The following AGBL4 variants were observed in gnomAD, a reference collection of about 807,000 sequenced individuals.
AGBL4 encodes cytosolic carboxypeptidase 6.
In AGBL4, 58 loss-of-function variants were observed where a neutral mutation model predicts 66.4. That is an observed-to-expected ratio of 0.87 (90% CI 0.71 to 1.09). The LOEUF is 1.09. AGBL4 is among the 50% of genes least tolerant of loss of function. The probability of loss-of-function intolerance (pLI) is 0.00; values close to 1 mark genes in which losing one functional copy is unlikely to be tolerated. For synonymous variants in AGBL4, 234 were observed against 222.9 expected (o/e 1.05, Z -0.44); for missense variants, 579 against 631.0 (o/e 0.92, Z 0.88).
intron 2 of AGBL4, among the ~76,000 whole-genome samples, chr1:49,729,287 C>T (rs574081498): frequency 1.1e-4 from 17 of 152,186 alleles, no homozygotes; most frequent in South Asian, 2.1e-4. Flanking sequence ...TAAATACACT[C>T]GCAGCTGCAT....
chr1:48,906,677 T>C (rs2148875705), intron 5 of AGBL4, among the ~76,000 whole-genome samples: 1 of 152,160 alleles, frequency 6.6e-6, no homozygotes, highest in East Asian at 1.9e-4. Flanking sequence ...CTAGGGAAGA[T>C]TTGTGAGAAA....
intron 1 of AGBL4, among the ~76,000 whole-genome samples, chr1:49,942,271 T>A (rs1420425156): frequency 6.6e-6 from 1 of 151,942 alleles, no homozygotes; most frequent in Non-Finnish European, 1.5e-5. Flanking sequence ...AACAAAGCAA[T>A]CTATGAATTC....
At chr1:50,010,785 A>C (rs947193653) in intron 1 of AGBL4, among the ~76,000 whole-genome samples, 1 of 152,140 alleles carries the variant, frequency 6.6e-6, no homozygotes, top group Non-Finnish European at 1.5e-5. Flanking sequence ...ATAAAACTAG[A>C]CCTCTATCTC....
At chr1:48,561,929 A>C (rs1412132396) in intron 11 of AGBL4, among the ~76,000 whole-genome samples, 1 of 152,180 alleles carries the variant, frequency 6.6e-6, no homozygotes, top group Non-Finnish European at 1.5e-5. Context: ...CTTTATAATA[A>C]ATGTCTTTAT....
chr1:48,538,969 G>A (rs1644017262), intron 12 of AGBL4, among the ~76,000 whole-genome samples: 2 of 152,148 alleles, frequency 1.3e-5, no homozygotes, highest in Non-Finnish European at 2.9e-5. Flanking sequence ...TGATGTCACT[G>A]TTCTCATGCT....
intron 6 of AGBL4, among the ~76,000 whole-genome samples, chr1:48,838,431 T>C (rs1194401082): frequency 6.6e-6 from 1 of 151,976 alleles, no homozygotes; most frequent in Non-Finnish European, 1.5e-5. Flanking sequence ...AGAACAAACA[T>C]TGGAGAAAGG....
At chr1:49,554,422 T>A (rs982386762) in intron 3 of AGBL4, among the ~76,000 whole-genome samples, 4 of 152,212 alleles carry the variant, frequency 2.6e-5, no homozygotes, top group Admixed American at 1.3e-4. Flanking sequence ...AATTTCAGCT[T>A]CTGTCTCAGA....
At chr1:49,295,233 C>T (rs544257825) in intron 3 of AGBL4, among the ~76,000 whole-genome samples, 109 of 152,204 alleles carry the variant, frequency 7.2e-4, no homozygotes, top group Admixed American at 2.2e-3. Flanking sequence ...ATGCTATGTA[C>T]CCCCACTCTC....
chr1:49,909,619 C>T (rs924439655), intron 1 of AGBL4, among the ~76,000 whole-genome samples: 1 of 152,060 alleles, frequency 6.6e-6, no homozygotes, highest in African/African-American at 2.4e-5. Context: ...CCTTAAGGAT[C>T]AGTGTAAAAA....
Position 49,601,722 on chromosome 1 carries a change from A to G in AGBL4, c.282+95591T>C, listed in dbSNP as rs891439414. Among the ~76,000 whole-genome samples the G allele has an allele frequency of 2.0e-5, 3 of 152,348 alleles. 1 individual carries two copies. The highest frequency in any genetic ancestry group is 3.9e-4 in the East Asian group (2 of 5,180). ...TTAACTCAAGATGGATTAGAGACTT[A>G]AACCTAAGACCTAAAACCATAAAAA... On this transcript the variant is annotated intron_variant, in intron 3 of 13. Coordinates refer to ENST00000371839, the MANE Select transcript of AGBL4 (RefSeq NM_032785.4).
intron 3 of AGBL4, among the ~76,000 whole-genome samples, chr1:49,665,636 C>A (rs1421478956): frequency 3.3e-5 from 5 of 151,972 alleles, no homozygotes; most frequent in Non-Finnish European, 7.4e-5. Context: ...AAATCTGTCT[C>A]CATGCAAAAA....
At chr1:48,817,791 T>C in intron 6 of AGBL4, 1 of 456,298 alleles carries the variant, frequency 2.2e-6, no homozygotes, top group South Asian at 3.2e-5. Context: ...CTCCCACACA[T>C]CCTGATATGT....
chr1:49,585,504 G>T (rs1479829433), intron 3 of AGBL4, among the ~76,000 whole-genome samples: 2 of 152,096 alleles, frequency 1.3e-5, no homozygotes, highest in East Asian at 1.9e-4. Context: ...AGAAGCCAGT[G>T]CCCTCAATCC....
intron 6 of AGBL4, among the ~76,000 whole-genome samples, chr1:48,836,678 G>A (rs1279636573): frequency 6.6e-6 from 1 of 152,082 alleles, no homozygotes; most frequent in African/African-American, 2.4e-5. Context: ...TAATGATGAT[G>A]ATACGTATAA....
intron 3 of AGBL4, among the ~76,000 whole-genome samples, chr1:49,346,047 A>G (rs1350098035): frequency 6.6e-6 from 1 of 152,182 alleles, no homozygotes; most frequent in Non-Finnish European, 1.5e-5. Context: ...CAATTTTAAA[A>G]AGCGCCTATA....
At chr1:48,753,044 G>A (rs1260380555) in intron 6 of AGBL4, among the ~76,000 whole-genome samples, 3 of 152,156 alleles carry the variant, frequency 2.0e-5, no homozygotes, top group African/African-American at 7.2e-5. Context: ...CACTGCCCCC[G>A]GCCCATTTGC....
At chr1:48,926,876 C>T (rs1247070887) in intron 5 of AGBL4, among the ~76,000 whole-genome samples, 1 of 152,090 alleles carries the variant, frequency 6.6e-6, no homozygotes, top group Non-Finnish European at 1.5e-5. Flanking sequence ...AGTAGTAGCA[C>T]TAGTAGTGGC....
chr1:48,579,817 C>T lies in AGBL4; in HGVS notation c.1267+7187G>A, dbSNP rs1233395726. Among the ~76,000 whole-genome samples the T allele has an allele frequency of 1.6e-4, 24 of 147,638 alleles. No homozygotes were observed. In the Admixed American group the frequency reaches 1.6e-3, roughly 10 times the overall value. On this transcript the variant is annotated intron_variant, in intron 11 of 13. Transcript: ENST00000371839. ...CCTGTAGTCCCAGCTACTCAGGAGG[C>T]TGAGGCAGGAGAATGGCATGAACCT...
chr1:49,892,600 C>A (rs1299386226), intron 1 of AGBL4, among the ~76,000 whole-genome samples: 1 of 152,104 alleles, frequency 6.6e-6, no homozygotes, highest in Non-Finnish European at 1.5e-5. Context: ...CCTACCATTT[C>A]TTTTCCTTTA....
Sources: gnomAD v4.1 joint callset for allele counts (sites outside exome capture counted in the v4.1 genomes callset) on GRCh38, gnomAD v4.1.1 for gene constraint, MANE v1.5 for transcripts, NCBI Gene and HGNC (gene_info 2026-07-23, HGNC 2026-07-21) for gene names.